Variants in AMZ1 observed in about 807,000 individuals in gnomAD.
The protein encoded by AMZ1 is archaemetzincin-1.
AMZ1 carries 39 observed loss-of-function variants against 29.9 expected under a neutral mutation model. The ratio of observed to expected loss-of-function variants is 1.30; its 90% confidence interval spans 1.01 to 1.70. The LOEUF (loss-of-function observed/expected upper bound fraction) is 1.70, where lower values mean the gene tolerates loss of function less well. AMZ1 is among the 40% of genes most tolerant of loss of function. The probability of loss-of-function intolerance (pLI) is 0.00; values close to 1 mark genes in which losing one functional copy is unlikely to be tolerated. For synonymous variants in AMZ1, 458 were observed against 304.0 expected, an observed-to-expected ratio of 1.51 and a Z score of -5.27; for missense variants, 1,041 against 680.6, an observed-to-expected ratio of 1.53 and a Z score of -5.89.
intron 4 of AMZ1, among the ~76,000 whole-genome samples, chr7:2,732,029 T>C (rs949720393): frequency 6.6e-6 from 1 of 152,192 alleles, no homozygotes. Context: ...TCCATTTTCT[T>C]CTCCAGAGGA....
At position 2,712,903 on chromosome 7, in the gene AMZ1, C is replaced by T. The variant is rs963050428; in HGVS notation, c.*25C>T. On this transcript the variant is annotated 3_prime_UTR_variant, in exon 7 of 7. Transcript: ENST00000683327. ...GTACAGCAGGGGCTGCCCTACGTCT[C>T]CTTCCCTAAGGATGCTGGCCAGCAC... 6.6e-7 allele frequency: 1 copy of T among 1,507,846 alleles called. No homozygotes were observed. Among genetic ancestry groups the T allele is most frequent in the Non-Finnish European group, 8.9e-7 (1 of 1,128,296 alleles). 93.4% of individuals were successfully genotyped at this position (1,507,846 alleles called of 1,614,324 possible).
chr7:2,716,511 C>T lies in AMZ1; in HGVS notation c.*3633C>T, dbSNP rs201573352. ...GAACGAAATCTCCAAAAGCCTTAAACATAAAATGGCTTAGTCAAGCACGAG... is the reference window on the plus strand; with the variant it reads ...GAACGAAATCTCCAAAAGCCTTAAATATAAAATGGCTTAGTCAAGCACGAG... On this transcript the variant is annotated 3_prime_UTR_variant, in exon 7 of 7. Coordinates refer to ENST00000683327, the MANE Select transcript of AMZ1 (RefSeq NM_001384743.1). The T allele has an allele frequency of 8.1e-6, 1 of 123,058 alleles. No homozygotes were observed. The highest frequency in any genetic ancestry group is 3.3e-5 in the African/African-American group (1 of 30,624). The allele number at this position is 123,058 out of a possible 1,614,324, so 7.6% of individuals were successfully genotyped here. A position where few individuals can be genotyped will look rare whatever the true frequency, so the allele number is the denominator to read the frequency against.
intron 1 of AMZ1, among the ~76,000 whole-genome samples, chr7:2,696,016 A>G (rs964102038): frequency 6.7e-4 from 59 of 87,862 alleles, no homozygotes; most frequent in African/African-American, 1.4e-3. Flanking sequence ...TGGGGGGGAA[A>G]AAAAAAAAAA....
chr7:2,682,245 C>A (rs535273141), intron 1 of AMZ1, among the ~76,000 whole-genome samples: 1 of 151,168 alleles, frequency 6.6e-6, no homozygotes, highest in African/African-American at 2.4e-5. Flanking sequence ...GAGCTCCTGT[C>A]CTCCCCTCAG....
At chr7:2,751,199 C>T (rs1034318130) in intron 4 of AMZ1, among the ~76,000 whole-genome samples, 3 of 151,908 alleles carry the variant, frequency 2.0e-5, no homozygotes, top group African/African-American at 7.3e-5. Flanking sequence ...ACCTGGGCAA[C>T]ATGGTAAAAC....
In AMZ1 at chr7:2,709,620, C is replaced by G. The variant is rs1269626777; in HGVS notation, c.772-20C>G. 6.2e-7 allele frequency: 1 copy of G among 1,603,698 alleles called. No homozygotes were observed. Among genetic ancestry groups the G allele is most frequent in the Admixed American group, 1.7e-5 (1 of 59,284 alleles). Reference sequence around the variant, plus strand: ...AGGGGCAAGGCAGTGAGGCAAGGTGCTTGGTGGCCTTCCCCCCAGGTCACG... The same window carrying G: ...AGGGGCAAGGCAGTGAGGCAAGGTGGTTGGTGGCCTTCCCCCCAGGTCACG... On this transcript the variant is annotated intron_variant, in intron 5 of 6. Coordinates refer to ENST00000683327, the MANE Select transcript of AMZ1 (RefSeq NM_001384743.1).
At chr7:2,755,080 G>T (rs1056766660) in intron 4 of AMZ1, among the ~76,000 whole-genome samples, 1 of 152,122 alleles carries the variant, frequency 6.6e-6, no homozygotes, top group Non-Finnish European at 1.5e-5. Context: ...GCAATCAGTC[G>T]GGCGTGCTGG....
chr7:2,739,445 G>A (rs1433289192), intron 4 of AMZ1, among the ~76,000 whole-genome samples: 1 of 152,114 alleles, frequency 6.6e-6, no homozygotes, highest in African/African-American at 2.4e-5. Flanking sequence ...CCATGCTGTG[G>A]CACAGGCCAG....
At chr7:2,728,647 T>TA (rs1340457174) in intron 4 of AMZ1, 2 of 152,468 alleles carry the variant, frequency 1.3e-5, no homozygotes, top group Non-Finnish European at 2.9e-5. Context: ...AAAAAGACAA[T>TA]AAGGATTAAC....
downstream of AMZ1, among the ~76,000 whole-genome samples, chr7:2,720,467 G>A (rs1478050845): frequency 1.3e-5 from 2 of 152,082 alleles, no homozygotes; most frequent in African/African-American, 2.4e-5. Context: ...CCAGTGGTGC[G>A]ATCTTGGCTC....
At chr7:2,754,394 T>C (rs543497178) in intron 4 of AMZ1, among the ~76,000 whole-genome samples, 3 of 152,276 alleles carry the variant, frequency 2.0e-5, no homozygotes, top group South Asian at 2.1e-4. Context: ...TTGTCGGATA[T>C]GTAGTCAGCA....
chr7:2,709,533 T>C, intron 5 of AMZ1, 107 bp from the exon 6 acceptor site: 2 of 1,477,524 alleles, frequency 1.4e-6, no homozygotes, highest in South Asian at 1.3e-5. Context: ...CTCCCGGCCA[T>C]CTGGCCTCAC....
rs1199387323 is a variant in AMZ1, at chr7:2,712,560, T to C, written c.1179T>C (p.Ala393=). The C allele has an allele frequency of 6.2e-7, 1 of 1,610,492 alleles. No individual in the cohort carries two copies. The highest frequency in any genetic ancestry group is 8.5e-7 in the Non-Finnish European group (1 of 1,178,622). ...TGAGCTACCTGGCAGCCTCAGAGGC[T>C]CCGCTGCCACCTGGGGGCCCTGCGG... ...EGLSYLAASE[A]PLPPGGPAEA... Residue 393 remains alanine, a synonymous_variant, in exon 7 of 7, where the codon GCT becomes GCC. Transcript: ENST00000683327.
Position 2,712,777 on chromosome 7 carries a change from G to A in AMZ1, c.1396G>A (p.Val466Met), listed in dbSNP as rs1295343570. 5 of 1,577,612 alleles carry A rather than the reference G, an allele frequency of 3.2e-6. No homozygotes were observed. Among genetic ancestry groups the A allele is most frequent in the South Asian group, 2.3e-5 (2 of 86,188 alleles). Residue 466 changes from valine to methionine, a missense_variant, in exon 7 of 7, where the codon GTG becomes ATG. Val to Met is a conservative substitution (Grantham distance 21). Transcript: ENST00000683327. Reference sequence around the variant, plus strand: ...CAGGGACAGCGTGGGGCTGCGCAAGGTGCTGGGGGACAAGTTCTCCTCCCT... The same window carrying A: ...CAGGGACAGCGTGGGGCTGCGCAAGATGCTGGGGGACAAGTTCTCCTCCCT... ...SSRDSVGLRK[V>M]LGDKFSSLRR...
chr7:2,698,428 C>G (rs533015665), intron 1 of AMZ1, among the ~76,000 whole-genome samples: 8 of 152,094 alleles, frequency 5.3e-5, no homozygotes, highest in African/African-American at 1.7e-4. Flanking sequence ...ATCCCAGCCA[C>G]TTGGGAGGCT....
At position 2,719,026 on chromosome 7, in the gene AMZ1, C is replaced by A; in HGVS notation, c.*6148C>A. On this transcript the variant is annotated 3_prime_UTR_variant, in exon 7 of 7. Transcript: ENST00000683327. ...CAGGCGACTTTTTTTTTTTTTTTTC[C>A]CCCCCATCTGAAGTGAGATCAAACT... Among the ~76,000 whole-genome samples the A allele has an allele frequency of 3.4e-5, 1 of 29,024 alleles. No homozygotes were observed. The highest frequency in any genetic ancestry group is 1.8e-4 in the African/African-American group (1 of 5,436). 19.0% of individuals were successfully genotyped at this position (29,024 alleles called of 152,430 possible).
chr7:2,688,508 G>A (rs571486388), intron 1 of AMZ1, among the ~76,000 whole-genome samples: 2 of 152,280 alleles, frequency 1.3e-5, no homozygotes, highest in South Asian at 2.1e-4. Context: ...GCCGGGGTCC[G>A]CACAGCCCCG....
At chr7:2,697,151 G>A (rs565722000) in intron 1 of AMZ1, among the ~76,000 whole-genome samples, 2 of 152,278 alleles carry the variant, frequency 1.3e-5, no homozygotes, top group East Asian at 1.9e-4. Flanking sequence ...TGCCCAAGCT[G>A]GAGTGCAATG....
At chr7:2,696,410 C>T (rs1286213328) in intron 1 of AMZ1, among the ~76,000 whole-genome samples, 1 of 151,164 alleles carries the variant, frequency 6.6e-6, no homozygotes, top group East Asian at 2.0e-4. Flanking sequence ...GCGCCCGCCA[C>T]CACGCCTGGC....
Sources: gnomAD v4.1 joint callset for allele counts (sites outside exome capture counted in the v4.1 genomes callset) on GRCh38, gnomAD v4.1.1 for gene constraint, MANE v1.5 for transcripts, NCBI Gene and HGNC (gene_info 2026-07-23, HGNC 2026-07-21) for gene names.